Variants in ECHDC2 observed in about 807,000 individuals in gnomAD.
ECHDC2 encodes the protein enoyl-CoA hydratase domain-containing protein 2, mitochondrial.
In ECHDC2, 34 loss-of-function variants were observed where a neutral mutation model predicts 40.6. That is an observed-to-expected ratio of 0.84 (90% CI 0.64 to 1.11). The LOEUF is 1.11. Among genes scored for constraint, ECHDC2 ranks in the 50% most tolerant of loss-of-function variants. The pLI is 0.00. For missense variants in ECHDC2, 392 were observed against 400.7 expected (o/e 0.98, Z 0.19); for synonymous variants, 162 against 166.6 (o/e 0.97, Z 0.21).
chr1:52,921,364 G>T, intron 1 of ECHDC2, 189 bp downstream of exon 1: 2 of 1,344,544 alleles, frequency 1.5e-6, no homozygotes, highest in Non-Finnish European at 1.9e-6. Context: ...CCCGCCCCCA[G>T]CTAGAGTCTG....
At chr1:52,912,156 T>C (rs1571978160) in intron 1 of ECHDC2, 1 of 493,682 alleles carries the variant, frequency 2.0e-6, no homozygotes, top group Admixed American at 5.2e-5. Context: ...ATTTTACAAC[T>C]CCCTCCATAT....
chr1:52,919,917 G>C (rs1024087471), intron 1 of ECHDC2, among the ~76,000 whole-genome samples: 11 of 152,144 alleles, frequency 7.2e-5, no homozygotes, highest in Non-Finnish European at 1.3e-4. Context: ...AATGATTCCC[G>C]ATATTTGCAA....
At chr1:52,917,549 A>T (rs918768991) in intron 1 of ECHDC2, 1 of 455,998 alleles carries the variant, frequency 2.2e-6, no homozygotes, top group Non-Finnish European at 4.4e-6. Context: ...CACACCTTCA[A>T]ATGAGCCCAT....
At chr1:52,911,851 G>T in intron 1 of ECHDC2, 61 bp from the exon 2 acceptor site, 3 of 1,595,352 alleles carry the variant, frequency 1.9e-6, no homozygotes, top group South Asian at 2.2e-5. Context: ...TGGGCTGCGG[G>T]CTGGGGACTG....
intron 1 of ECHDC2, chr1:52,915,234 C>T (rs1650421722): frequency 2.2e-6 from 1 of 456,016 alleles, no homozygotes. Flanking sequence ...AGGAGTGTTT[C>T]CCAATCCTTT....
rs1312593888 is a variant in ECHDC2, at chr1:52,906,551, T to C, written c.425A>G (p.Glu142Gly). Reference protein sequence around the residue: ...MDGFALGGGLELALACDLRVA... With the variant: ...MDGFALGGGLGLALACDLRVA... ...TCGGAGGTCACAGGCCAGGGCAAGC[T>C]CTAGGCCTCCGCCCAAGGCAAACCC... The change falls in exon 5 of 10, where the codon GAG (glutamate) becomes GGG (glycine). Residue 142 changes from glutamate (E) to glycine (G), a missense_variant. By Grantham distance (98) the Glu-to-Gly change is moderately conservative. Transcript: ENST00000371522. 1.2e-6 allele frequency: 2 copies of C among 1,612,390 alleles called. No homozygotes were observed. The highest frequency in any genetic ancestry group is 1.7e-5 in the Admixed American group (1 of 59,984).
In ECHDC2 at chr1:52,914,022, T is replaced by C. The variant is rs1352782803; in HGVS notation, c.122-2232A>G. 3 of 1,231,350 alleles carry C rather than the reference T, an allele frequency of 2.4e-6. No individual in the cohort carries two copies. The highest frequency in any genetic ancestry group is 3.2e-6 in the Non-Finnish European group (3 of 946,078). The allele number at this position is 1,231,350 out of a possible 1,614,324, so 76.3% of individuals were successfully genotyped here. A position where few individuals can be genotyped will look rare whatever the true frequency, so the allele number is the denominator to read the frequency against. On this transcript the variant is annotated intron_variant, in intron 1 of 9. Coordinates refer to ENST00000371522, the MANE Select transcript of ECHDC2 (RefSeq NM_001198961.2). The surrounding 1 kb of genome is among the most constrained non-coding windows in gnomAD (Gnocchi z 4.0). ...TTTGTACATTTATATATTTGCTGTG[T>C]GCTGGCCTCTACTAGACACCGTGAT... is the stretch of plus-strand genomic sequence containing the variant.
intron 8 of ECHDC2, chr1:52,897,694 GA>G: frequency 1.6e-6 from 1 of 618,268 alleles, no homozygotes; most frequent in East Asian, 2.8e-5. Flanking sequence ...CAGAGAAGAG[GA>G]GTTCTCCTTC....
chr1:52,897,428 G>T lies in ECHDC2; in HGVS notation c.801+9C>A. ...GTTAACAAGCAGGCATGGGCTGGTT[G>T]CTACATACCTGGGCATAGCACATCC... is the stretch of plus-strand genomic sequence containing the variant. On this transcript the variant is annotated intron_variant, in intron 9 of 9. Coordinates refer to ENST00000371522, the MANE Select transcript of ECHDC2 (RefSeq NM_001198961.2). 1 of 1,614,046 alleles carries T rather than the reference G, an allele frequency of 6.2e-7. No homozygotes were observed. Among genetic ancestry groups the T allele is most frequent in the Non-Finnish European group, 8.5e-7 (1 of 1,179,908 alleles).
At chr1:52,921,388 G>A in intron 1 of ECHDC2, 165 bp downstream of exon 1, 3 of 1,395,594 alleles carry the variant, frequency 2.1e-6, no homozygotes, top group Non-Finnish European at 2.8e-6. Context: ...CCACTAAGGC[G>A]GCCGCCCACC....
At chr1:52,921,419 G>A (rs1319358456) in intron 1 of ECHDC2, 134 bp downstream of exon 1, 1 of 1,426,662 alleles carries the variant, frequency 7.0e-7, no homozygotes, top group African/African-American at 1.5e-5. Flanking sequence ...GGAGCGGTTT[G>A]GGGCGCCTAG....
At chr1:52,899,526 G>T (rs1356131673) in intron 7 of ECHDC2, 10 of 401,918 alleles carry the variant, frequency 2.5e-5, no homozygotes, top group Non-Finnish European at 4.5e-5. Context: ...TCATCTAATG[G>T]TGCTACCCAC....
chr1:52,917,806 G>T (rs1156726213), intron 1 of ECHDC2, among the ~76,000 whole-genome samples: 4 of 152,174 alleles, frequency 2.6e-5, no homozygotes, highest in Non-Finnish European at 5.9e-5. Context: ...AATGCTGGTG[G>T]TGAGGCTGGT....
intron 1 of ECHDC2, among the ~76,000 whole-genome samples, chr1:52,918,042 C>T (rs1651084565): frequency 6.6e-6 from 1 of 152,078 alleles, no homozygotes; most frequent in Non-Finnish European, 1.5e-5. Context: ...GATCATGGCT[C>T]ACTCATGGGT....
chr1:52,910,781 C>T (rs971790405), intron 3 of ECHDC2, among the ~76,000 whole-genome samples: 4 of 152,170 alleles, frequency 2.6e-5, no homozygotes, highest in Non-Finnish European at 5.9e-5. Flanking sequence ...TAAACGAGAA[C>T]GGAAGTGAGC....
rs753485888 is a variant in ECHDC2 at position 52,904,677 on chromosome 1, G to T, written c.671C>A (p.Ala224Glu). The change falls in exon 7 of 10, where the codon GCA becomes GAA. Residue 224 changes from alanine to glutamate, a missense_variant. Physicochemically the swap from Ala to Glu is moderately radical, Grantham distance 107. Coordinates refer to ENST00000371522, the MANE Select transcript of ECHDC2 (RefSeq NM_001198961.2). ...CAGGATCTCCTGGGCCAGTGCTCGT[G>T]CCCGCTGGTAGGCGGCGTCCCCCTC... is the stretch of plus-strand genomic sequence containing the variant. Reference protein sequence around the residue: ...NEEGDAAYQRARALAQEILPQ... With the variant: ...NEEGDAAYQRERALAQEILPQ... The T allele has an allele frequency of 1.1e-5, 17 of 1,608,944 alleles. No homozygotes were observed. The highest frequency in any genetic ancestry group is 1.4e-5 in the Non-Finnish European group (16 of 1,178,148).
intron 1 of ECHDC2, among the ~76,000 whole-genome samples, chr1:52,919,418 A>G (rs1651421876): frequency 1.3e-5 from 2 of 152,226 alleles, no homozygotes; most frequent in Admixed American, 1.3e-4. Flanking sequence ...CATGCTGTCC[A>G]GGTTTGTATT....
chr1:52,908,611 C>A (rs149214636), intron 3 of ECHDC2, among the ~76,000 whole-genome samples: 121 of 151,846 alleles, frequency 8.0e-4, no homozygotes, highest in African/African-American at 2.7e-3. Flanking sequence ...AGAACTTCTC[C>A]AACTAAACAA....
intron 8 of ECHDC2, chr1:52,897,934 T>C (rs1370960651): frequency 2.1e-5 from 5 of 242,552 alleles, no homozygotes; most frequent in African/African-American, 1.1e-4. Flanking sequence ...TTTGTCAAAG[T>C]TCACAACAGT....
Sources: allele counts gnomAD v4.1 joint callset (sites outside exome capture counted in the v4.1 genomes callset), GRCh38; gene constraint gnomAD v4.1.1; non-coding constraint Gnocchi (gnomAD v3.1); transcripts MANE v1.5; gene names NCBI Gene and HGNC (gene_info 2026-07-23, HGNC 2026-07-21).